The following PLEKHH2 variants were observed in gnomAD, a reference collection of about 807,000 sequenced individuals.
PLEKHH2 encodes pleckstrin homology, MyTH4 and FERM domain containing H2.
Under a neutral mutation model 187.9 loss-of-function variants are expected in PLEKHH2, and 129 were observed. That is an observed-to-expected ratio of 0.69 (90% CI 0.59 to 0.79). The LOEUF is 0.79. Among genes scored for constraint, PLEKHH2 ranks in the 30% least tolerant of loss-of-function variants. The pLI is 0.00. For synonymous variants in PLEKHH2, 686 were observed against 605.6 expected (o/e 1.13, Z -1.95); for missense variants, 2,076 against 1,751.2 (o/e 1.19, Z -3.31).
At chr2:43,643,297 A>G (rs1241747698) in intron 1 of PLEKHH2, among the ~76,000 whole-genome samples, 1 of 152,134 alleles carries the variant, frequency 6.6e-6, no homozygotes, top group East Asian at 1.9e-4. Flanking sequence ...CTCTACAGTA[A>G]TATGTTTCCT....
At chr2:43,696,753 T>C (rs1339026808) in intron 6 of PLEKHH2, among the ~76,000 whole-genome samples, 6 of 152,174 alleles carry the variant, frequency 3.9e-5, no homozygotes, top group African/African-American at 1.2e-4. Context: ...TTTGGTTATT[T>C]CGGCAACCAG....
intron 11 of PLEKHH2, among the ~76,000 whole-genome samples, chr2:43,709,295 A>G (rs903269710): frequency 1.3e-5 from 2 of 152,196 alleles, no homozygotes; most frequent in South Asian, 4.1e-4. Context: ...TGTTTTTTTA[A>G]AATGTGAGGT....
chr2:43,692,777 C>A, intron 4 of PLEKHH2, 114 bp downstream of exon 4: 1 of 1,162,870 alleles, frequency 8.6e-7, no homozygotes, highest in Non-Finnish European at 1.2e-6. Context: ...ATTGCTTATT[C>A]GGTCAACCCA....
At chr2:43,671,701 A>G (rs1667506342) in intron 2 of PLEKHH2, among the ~76,000 whole-genome samples, 1 of 152,180 alleles carries the variant, frequency 6.6e-6, no homozygotes, top group South Asian at 2.1e-4. Flanking sequence ...ATTTTTCTTC[A>G]TCTATCGAAA....
intron 2 of PLEKHH2, chr2:43,676,379 G>GGGTCCCGC: frequency 7.0e-7 from 1 of 1,418,800 alleles, no homozygotes; most frequent in Admixed American, 2.3e-5. Context: ...CCGGGTCCTG[G>GGGTCCCGC]GGTCCCGCGC....
chr2:43,726,199 A>G (rs1252421245), intron 16 of PLEKHH2, 73 bp from the exon 17 acceptor site: 36 of 990,804 alleles, frequency 3.6e-5, no homozygotes, highest in Non-Finnish European at 2.9e-6. Context: ...TAAAAATGAA[A>G]AGGACTATGA....
Position 43,699,965 on chromosome 2 carries a change from T to C in PLEKHH2, c.1007T>C (p.Phe336Ser). 1.3e-5 allele frequency: 21 copies of C among 1,614,126 alleles called. No homozygotes were observed. Among genetic ancestry groups the C allele is most frequent in the Non-Finnish European group, 1.6e-5 (19 of 1,180,012 alleles). The change falls in exon 8 of 30, where the codon TTT (phenylalanine) becomes TCT (serine). Residue 336 changes from phenylalanine (F) to serine (S), a missense_variant. Phe to Ser is a radical substitution (Grantham distance 155). Transcript: ENST00000282406. ...GCATCTGATGACAGCAGCTCTATATTTGAGGAAGAGACTTTTGGCATAAAG... is the reference window on the plus strand; with the variant it reads ...GCATCTGATGACAGCAGCTCTATATCTGAGGAAGAGACTTTTGGCATAAAG... Reference protein sequence around the residue: ...LTASDDSSSIFEEETFGIKRP... With the variant: ...LTASDDSSSISEEETFGIKRP...
intron 11 of PLEKHH2, among the ~76,000 whole-genome samples, chr2:43,707,768 T>C (rs1572595025): frequency 1.3e-5 from 2 of 152,194 alleles, no homozygotes; most frequent in South Asian, 4.2e-4. Context: ...AGCTTTTTAT[T>C]GTCTGTGAGA....
intron 3 of PLEKHH2, among the ~76,000 whole-genome samples, chr2:43,688,969 G>A (rs1372902744): frequency 6.6e-6 from 1 of 151,388 alleles, no homozygotes; most frequent in Admixed American, 6.6e-5. Flanking sequence ...CCACCCAGAG[G>A]TCAAACTGAT....
chr2:43,711,930 A>G (rs1006527858), intron 14 of PLEKHH2: 25 of 1,070,180 alleles, frequency 2.3e-5, no homozygotes, highest in South Asian at 2.5e-5. Context: ...AACCTGTAAC[A>G]CATTTAAGCA....
chr2:43,744,983 A>T (rs964309467), intron 23 of PLEKHH2, among the ~76,000 whole-genome samples: 1 of 152,092 alleles, frequency 6.6e-6, no homozygotes, highest in Non-Finnish European at 1.5e-5. Context: ...TAGTAAAATA[A>T]CTTTAATAGA....
intron 14 of PLEKHH2, chr2:43,711,466 T>G (rs2104519205): frequency 1.0e-6 from 1 of 963,530 alleles, no homozygotes; most frequent in East Asian, 1.1e-4. Flanking sequence ...CAATAATTTA[T>G]CTTCTTATAT....
chr2:43,744,830 T>A (rs1281605047), intron 23 of PLEKHH2, among the ~76,000 whole-genome samples: 1 of 134,456 alleles, frequency 7.4e-6, no homozygotes, highest in Non-Finnish European at 1.5e-5. Context: ...ATCACGCCAC[T>A]GCACTCCAGC....
At chr2:43,671,000 T>C (rs1558451769) in intron 2 of PLEKHH2, among the ~76,000 whole-genome samples, 3 of 152,034 alleles carry the variant, frequency 2.0e-5, no homozygotes. Context: ...TTTTTTTTTT[T>C]TGAGATGAAG....
rs371685364 is a variant in PLEKHH2, at chr2:43,699,666, G to C, written c.708G>C (p.Lys236Asn). The change falls in exon 8 of 30, where the codon AAG becomes AAC. Residue 236 changes from lysine (K) to asparagine (N), a missense_variant. Transcript: ENST00000282406. ...KDMEEMEIPE[K>N]SVDNQVLENN... ...TTCTAGAAATGGAAATTCCAGAAAA[G>C]TCTGTTGATAACCAAGTTCTAGAAA... is the stretch of plus-strand genomic sequence containing the variant. 7.4e-6 allele frequency: 12 copies of C among 1,612,080 alleles called. No individual in the cohort carries two copies. The highest frequency in any genetic ancestry group is 1.0e-5 in the Non-Finnish European group (12 of 1,179,042).
rs146229995 is a variant in PLEKHH2, at chr2:43,734,227, G to A, written c.2943+2625G>A. Among the ~76,000 whole-genome samples, 37 of 152,146 alleles carry A rather than the reference G, an allele frequency of 2.4e-4. 1 individual carries two copies. The East Asian group carries it at 7.1e-3, about 29-fold the overall frequency. Reference sequence around the variant, plus strand: ...TTGTTTTATTCTCCCATTTCCCACTGCACCCTAACTTTGGATTATTTTGAA... The same window carrying A: ...TTGTTTTATTCTCCCATTTCCCACTACACCCTAACTTTGGATTATTTTGAA... On this transcript the variant is annotated intron_variant, in intron 19 of 29. Coordinates refer to ENST00000282406, the MANE Select transcript of PLEKHH2 (RefSeq NM_172069.4).
At chr2:43,691,729 A>G (rs1275178332) in intron 3 of PLEKHH2, among the ~76,000 whole-genome samples, 1 of 152,172 alleles carries the variant, frequency 6.6e-6, no homozygotes, top group Non-Finnish European at 1.5e-5. Context: ...CTTACCCATT[A>G]GAATTAATTT....
Position 43,720,756 on chromosome 2 carries a change from A to G in PLEKHH2, c.2541+7A>G, listed in dbSNP as rs142245802. 23 of 1,597,506 alleles carry G rather than the reference A, an allele frequency of 1.4e-5. No homozygotes were observed. In the East Asian group the frequency reaches 2.0e-4, roughly 14 times the overall value. ...TCGGAGTCAAGAAGATAAGGTATGT[A>G]TGTATTTTTAATATGCCAATTGAAG... On this transcript the variant is annotated splice_region_variant and intron_variant, in intron 16 of 29. Transcript: ENST00000282406.
intron 1 of PLEKHH2, 81 bp downstream of exon 1, chr2:43,637,460 AG>A: frequency 6.6e-6 from 1 of 152,536 alleles, no homozygotes; most frequent in Admixed American, 6.5e-5. Context: ...CGCCCCGTCC[AG>A]GGGGGCTCGC....
Sources: gnomAD v4.1 joint callset for allele counts (sites outside exome capture counted in the v4.1 genomes callset) on GRCh38, gnomAD v4.1.1 for gene constraint, MANE v1.5 for transcripts, NCBI Gene and HGNC (gene_info 2026-07-23, HGNC 2026-07-21) for gene names.